Variants in TMC1 observed in about 807,000 individuals in gnomAD.
The protein encoded by TMC1 is transmembrane channel-like protein 1.
A neutral mutation model predicts 105.8 loss-of-function variants in TMC1; 84 were observed. The ratio of observed to expected loss-of-function variants is 0.79; its 90% CI spans 0.67 to 0.95. TMC1 has a LOEUF of 0.95. TMC1 is among the 40% of genes least tolerant of loss of function. The pLI is 0.00. For synonymous variants in TMC1, 315 were observed against 311.5 expected (o/e 1.01, Z -0.12); for missense variants, 817 against 914.1 (o/e 0.89, Z 1.37).
intron 1 of TMC1, among the ~76,000 whole-genome samples, chr9:72,532,541 C>CAAAAAAAAAAAAA (rs59010604): frequency 4.0e-5 from 3 of 75,528 alleles, no homozygotes; most frequent in African/African-American, 9.5e-5. Flanking sequence ...GACTCCGTCT[C>CAAAAAAAAAAAAA]AAAAAAAAAA....
chr9:72,556,970 G>A (rs1040450703), intron 1 of TMC1, among the ~76,000 whole-genome samples: 8 of 152,158 alleles, frequency 5.3e-5, no homozygotes, highest in African/African-American at 1.9e-4. Flanking sequence ...CTAATACGTA[G>A]AGGCCAGGGA....
intron 5 of TMC1, among the ~76,000 whole-genome samples, chr9:72,667,044 C>T (rs992429704): frequency 1.3e-5 from 2 of 152,188 alleles, no homozygotes; most frequent in African/African-American, 4.8e-5. Flanking sequence ...CTCCCCACTG[C>T]ACTCCAGCCC....
chr9:72,706,197 C>T (rs1349572282), intron 8 of TMC1, among the ~76,000 whole-genome samples: 3 of 152,142 alleles, frequency 2.0e-5, no homozygotes, highest in Non-Finnish European at 2.9e-5. Flanking sequence ...TATTTGGCTT[C>T]CATTCTCACC....
chr9:72,771,392 G>A (rs759545572), intron 12 of TMC1, among the ~76,000 whole-genome samples: 11 of 152,014 alleles, frequency 7.2e-5, no homozygotes, highest in Non-Finnish European at 1.0e-4. Flanking sequence ...TAGCATCTAC[G>A]ACATTTCTAC....
chr9:72,640,617 GT>G (rs1321157041), intron 4 of TMC1, among the ~76,000 whole-genome samples: 4 of 149,622 alleles, frequency 2.7e-5, no homozygotes, highest in Admixed American at 6.7e-5. Context: ...CTTGGGATTT[GT>G]TTTTTTGTTT....
At chr9:72,756,533 A>G (rs1349946948) in intron 12 of TMC1, among the ~76,000 whole-genome samples, 1 of 151,350 alleles carries the variant, frequency 6.6e-6, no homozygotes, top group South Asian at 2.1e-4. Context: ...TATCTCTCTC[A>G]CTTTCAAATT....
intron 2 of TMC1, among the ~76,000 whole-genome samples, chr9:72,601,225 G>A (rs1824810331): frequency 6.7e-6 from 1 of 150,118 alleles, no homozygotes; most frequent in Admixed American, 6.6e-5. Flanking sequence ...CACACAAATT[G>A]CCAGGCATGG....
intron 1 of TMC1, among the ~76,000 whole-genome samples, chr9:72,549,933 A>C (rs1823833103): frequency 6.6e-6 from 1 of 151,462 alleles, no homozygotes; most frequent in South Asian, 2.1e-4. Flanking sequence ...TTTTTGGTGG[A>C]GATGGGGTTT....
At chr9:72,572,168 A>C (rs371755509) in intron 1 of TMC1, among the ~76,000 whole-genome samples, 1 of 149,860 alleles carries the variant, frequency 6.7e-6, no homozygotes, top group South Asian at 2.1e-4. Flanking sequence ...TTTATGATAC[A>C]CAATTTGTCT....
At chr9:72,671,311 C>T (rs1048752592) in intron 5 of TMC1, among the ~76,000 whole-genome samples, 2 of 152,176 alleles carry the variant, frequency 1.3e-5, no homozygotes, top group Non-Finnish European at 2.9e-5. Context: ...GGGAGGGCAC[C>T]TCTCACATGA....
chr9:72,649,157 G>T (rs1825761976), intron 5 of TMC1, among the ~76,000 whole-genome samples: 1 of 152,168 alleles, frequency 6.6e-6, no homozygotes, highest in Non-Finnish European at 1.5e-5. Context: ...ATTGTTGTAG[G>T]ATATTTATGT....
chr9:72,605,328 C>G (rs543496609), intron 2 of TMC1, among the ~76,000 whole-genome samples: 19 of 152,146 alleles, frequency 1.2e-4, no homozygotes, highest in Non-Finnish European at 1.9e-4. Context: ...CTGGGTGGTT[C>G]TGGCTCAAAG....
At chr9:72,553,750 G>C (rs1823891005) in intron 1 of TMC1, among the ~76,000 whole-genome samples, 1 of 152,090 alleles carries the variant, frequency 6.6e-6, no homozygotes, top group Non-Finnish European at 1.5e-5. Flanking sequence ...TGTCTTAAAA[G>C]TAATTGGATT....
At chr9:72,752,787 G>A (rs949029263) in intron 11 of TMC1, among the ~76,000 whole-genome samples, 1 of 152,078 alleles carries the variant, frequency 6.6e-6, no homozygotes, top group African/African-American at 2.4e-5. Flanking sequence ...GGTGGTTTTG[G>A]GTGACTTTTT....
chr9:72,580,310 C>A (rs1424293821), intron 2 of TMC1, among the ~76,000 whole-genome samples: 1 of 152,176 alleles, frequency 6.6e-6, no homozygotes, highest in Non-Finnish European at 1.5e-5. Flanking sequence ...TGCCTTATTT[C>A]TTTCCCAGAA....
chr9:72,754,694 A>C lies in TMC1; in HGVS notation c.643-92A>C, dbSNP rs888645680. Reference sequence around the variant, plus strand: ...CAAAGAGTCCCCATAAAAATGTTTCAGAAGGGCTTTTAAACAAAACCATTT... The same window carrying C: ...CAAAGAGTCCCCATAAAAATGTTTCCGAAGGGCTTTTAAACAAAACCATTT... On this transcript the variant is annotated intron_variant, in intron 11 of 23. Coordinates refer to ENST00000297784, the MANE Select transcript of TMC1 (RefSeq NM_138691.3). 19 of 988,614 alleles carry C rather than the reference A, an allele frequency of 1.9e-5. No individual in the cohort carries two copies. The Admixed American group carries it at 3.2e-4, about 17-fold the overall frequency. The allele number at this position is 988,614 out of a possible 1,614,324, so 61.2% of individuals were successfully genotyped here. A position where few individuals can be genotyped will look rare whatever the true frequency, so the allele number is the denominator to read the frequency against.
chr9:72,696,255 G>A (rs117663923), intron 7 of TMC1, among the ~76,000 whole-genome samples: 293 of 152,272 alleles, frequency 1.9e-3, no homozygotes, highest in Admixed American at 4.6e-3. Context: ...GGCTATGACA[G>A]TGTCTCTTCC....
intron 18 of TMC1, among the ~76,000 whole-genome samples, chr9:72,806,817 C>T (rs1304000101): frequency 1.1e-4 from 16 of 144,750 alleles, no homozygotes; most frequent in Admixed American, 6.9e-4. Context: ...ACATCCCAGA[C>T]GATGGGCGGC....
At chr9:72,784,055 A>G (rs1468919532) in intron 13 of TMC1, among the ~76,000 whole-genome samples, 1 of 152,202 alleles carries the variant, frequency 6.6e-6, no homozygotes, top group Non-Finnish European at 1.5e-5. Context: ...AATAAAAACC[A>G]AAATTGATAG....
Sources: allele counts gnomAD v4.1 joint callset (sites outside exome capture counted in the v4.1 genomes callset), GRCh38; gene constraint gnomAD v4.1.1; transcripts MANE v1.5; gene names NCBI Gene and HGNC (gene_info 2026-07-23, HGNC 2026-07-21).